The following NPHP4 variants were observed in gnomAD, a reference collection of about 807,000 sequenced individuals.
NPHP4 encodes nephrocystin-4.
A neutral mutation model predicts 155.8 loss-of-function variants in NPHP4; 151 were observed. That is an observed-to-expected ratio of 0.97 (90% CI 0.85 to 1.11). The LOEUF (loss-of-function observed/expected upper bound fraction) is 1.11. Among genes scored for constraint, NPHP4 ranks in the 50% least tolerant of loss-of-function variants. The pLI is 0.00. For synonymous variants in NPHP4, 845 were observed against 816.8 expected (o/e 1.03, Z -0.59); for missense variants, 1,956 against 1,925.7 (o/e 1.02, Z -0.29).
In NPHP4 at chr1:5,880,204, T is replaced by C. The variant is rs1486036089; in HGVS notation, c.2521A>G (p.Thr841Ala). The C allele has an allele frequency of 6.2e-7, 1 of 1,613,718 alleles. No individual in the cohort carries two copies. The change falls in exon 19 of 30, where the codon ACA becomes GCA. Residue 841 changes from threonine to alanine, a missense_variant. Thr to Ala is a moderately conservative substitution (Grantham distance 58). Coordinates refer to ENST00000378156, the MANE Select transcript of NPHP4 (RefSeq NM_015102.5). ...ACCCGAGATCTGGACGGTGGCAATG[T>C]GCTACAACCTCTCACTTTCTGTTCA... ...PCEQKVRGCS[T>A]LPPSRSRVIS...
chr1:5,931,390 T>C (rs928459409), intron 10 of NPHP4, among the ~76,000 whole-genome samples: 1 of 139,324 alleles, frequency 7.2e-6, no homozygotes, highest in Non-Finnish European at 1.5e-5. Context: ...AGGTGTGTAA[T>C]AGCATATGTC....
At position 5,927,582 on chromosome 1, in the gene NPHP4, T is replaced by C. The variant is rs548175134; in HGVS notation, c.1441+67A>G. 2.5e-5 allele frequency: 38 copies of C among 1,511,908 alleles called. No homozygotes were observed. In the East Asian group the frequency reaches 8.2e-4, roughly 33 times the overall value. 93.7% of individuals were successfully genotyped at this position (1,511,908 alleles called of 1,614,324 possible). ...ATTACCGTACTAGACTAAGTACCTT[T>C]CCCCGGGAAGAGATGGAAGTGCTGC... On this transcript the variant is annotated intron_variant, in intron 11 of 29. Coordinates refer to ENST00000378156, the MANE Select transcript of NPHP4 (RefSeq NM_015102.5).
chr1:5,883,275 C>G (rs766942033), intron 18 of NPHP4, among the ~76,000 whole-genome samples: 13 of 152,136 alleles, frequency 8.5e-5, no homozygotes, highest in Non-Finnish European at 1.6e-4. Context: ...CCGGGCCACG[C>G]TGCCCTCCAC....
intron 23 of NPHP4, 84 bp downstream of exon 23, chr1:5,873,168 G>A: frequency 1.6e-6 from 2 of 1,237,210 alleles, no homozygotes; most frequent in East Asian, 4.7e-5. Flanking sequence ...CTCCCCTCCA[G>A]GAGGGGAGAG....
intron 10 of NPHP4, 135 bp downstream of exon 10, chr1:5,933,011 TA>T: frequency 1.5e-6 from 1 of 649,248 alleles, no homozygotes; most frequent in Non-Finnish European, 2.6e-6. Flanking sequence ...CTAATCTTTC[TA>T]AAGGCATACC....
intron 3 of NPHP4, among the ~76,000 whole-genome samples, chr1:5,973,665 C>A (rs545839018): frequency 2.0e-4 from 31 of 152,294 alleles, no homozygotes; most frequent in Middle Eastern, 3.4e-3. Flanking sequence ...TTCCATTGTC[C>A]CCAGATGACT....
At chr1:5,883,170 A>G (rs1643460608) in intron 18 of NPHP4, among the ~76,000 whole-genome samples, 1 of 152,190 alleles carries the variant, frequency 6.6e-6, no homozygotes, top group South Asian at 2.1e-4. Context: ...CAGACAAACA[A>G]GCAGGCTGGG....
chr1:5,943,832 C>A (rs1646947481), intron 9 of NPHP4, among the ~76,000 whole-genome samples: 1 of 152,096 alleles, frequency 6.6e-6, no homozygotes, highest in South Asian at 2.1e-4. Flanking sequence ...CACTCCAGAG[C>A]CCTGTCTTTT....
chr1:5,970,667 G>A (rs1652395769), intron 3 of NPHP4, among the ~76,000 whole-genome samples: 2 of 152,088 alleles, frequency 1.3e-5, no homozygotes, highest in Non-Finnish European at 2.9e-5. Context: ...CACCAGCTGA[G>A]CACAGAGACC....
chr1:5,991,720 C>G (rs988758738), intron 1 of NPHP4, among the ~76,000 whole-genome samples: 1 of 151,178 alleles, frequency 6.6e-6, no homozygotes, highest in Non-Finnish European at 1.5e-5. Flanking sequence ...CAGGGACGCC[C>G]GAAGGCCGCA....
chr1:5,986,130 A>G (rs750704274), intron 2 of NPHP4, 25 bp downstream of exon 2: 179 of 1,612,580 alleles, frequency 1.1e-4, no homozygotes, highest in Non-Finnish European at 1.5e-4. Context: ...AATAACACGC[A>G]TTTGCTAACA....
intron 12 of NPHP4, 141 bp downstream of exon 12, chr1:5,909,011 C>T (rs1330822029): frequency 1.4e-5 from 10 of 737,476 alleles, no homozygotes; most frequent in Non-Finnish European, 2.4e-5. Context: ...TAGGAGGGGA[C>T]AGCCCCGCCG....
At chr1:5,933,078 T>C in intron 10 of NPHP4, 69 bp downstream of exon 10, 3 of 1,267,972 alleles carry the variant, frequency 2.4e-6, no homozygotes, top group Non-Finnish European at 3.3e-6. Context: ...TTGTGAACTT[T>C]TGCTTTTGAA....
intron 1 of NPHP4, among the ~76,000 whole-genome samples, chr1:5,990,989 G>A (rs546695449): frequency 3.3e-5 from 5 of 152,192 alleles, no homozygotes; most frequent in Non-Finnish European, 5.9e-5. Context: ...GCCAGTGGGG[G>A]AGAAAGACAA....
chr1:5,943,626 GAAC>G (rs1646937600), intron 9 of NPHP4, among the ~76,000 whole-genome samples: 1 of 152,202 alleles, frequency 6.6e-6, no homozygotes, highest in African/African-American at 2.4e-5. Context: ...CACTGCCAGG[GAAC>G]AACAGACAGG....
In NPHP4 at chr1:5,964,941, A is replaced by ATATATATTTTTTT; in HGVS notation, c.517+2357_517+2358insAAAAAAATATATA. Among the ~76,000 whole-genome samples, 56 of 59,412 alleles carry ATATATATTTTTTT rather than the reference A, an allele frequency of 9.4e-4. 3 individuals are homozygous for ATATATATTTTTTT. Among genetic ancestry groups the ATATATATTTTTTT allele is most frequent in the Middle Eastern group, 0.013 (1 of 78 alleles). The allele number at this position is 59,412 out of a possible 152,430, so 39.0% of individuals were successfully genotyped here. On this transcript the variant is annotated intron_variant, in intron 5 of 29. Coordinates refer to ENST00000378156, the MANE Select transcript of NPHP4 (RefSeq NM_015102.5). The stretch of plus-strand genomic sequence containing the variant: ...ATTATATATATATATATATATATAT[A>ATATATATTTTTTT]TTTTTTTTTTTTGAGGCAGGGTCTC...
intron 9 of NPHP4, among the ~76,000 whole-genome samples, chr1:5,945,267 A>G (rs1484650419): frequency 6.6e-6 from 1 of 151,836 alleles, no homozygotes; most frequent in Non-Finnish European, 1.5e-5. Flanking sequence ...GGACACCCTG[A>G]GGCCATTTCT....
intron 11 of NPHP4, among the ~76,000 whole-genome samples, chr1:5,922,908 G>A (rs889163150): frequency 5.9e-5 from 9 of 152,214 alleles, no homozygotes; most frequent in Non-Finnish European, 5.9e-5. Context: ...TGAGGCGGGT[G>A]GATTGCTTGA....
rs1429611570 is a variant in NPHP4 at position 5,978,298 on chromosome 1, CTCT to C, written c.248_250del (p.Lys83del). On this transcript the variant is annotated inframe_deletion, in exon 3 of 30. Transcript: ENST00000378156. Reference sequence around the variant, plus strand: ...ATTAAAGACGATCCTGGACGGCGGTCTCTTCGTCGGCTTCACTGTGGTTTTCCA... The same window carrying C: ...ATTAAAGACGATCCTGGACGGCGGTCTCGTCGGCTTCACTGTGGTTTTCCA... 8.7e-6 allele frequency: 14 copies of C among 1,608,668 alleles called. No homozygotes were observed. Among genetic ancestry groups the C allele is most frequent in the Non-Finnish European group, 1.1e-5 (13 of 1,177,842 alleles).
Sources: allele counts gnomAD v4.1 joint callset (sites outside exome capture counted in the v4.1 genomes callset), GRCh38; gene constraint gnomAD v4.1.1; transcripts MANE v1.5; gene names NCBI Gene and HGNC (gene_info 2026-07-23, HGNC 2026-07-21).